DPP6: variants seen among roughly 807,000 people sequenced by gnomAD.
The protein encoded by DPP6 is dipeptidyl peptidase like 6.
DPP6 carries 69 observed loss-of-function variants against 122.6 expected under a neutral mutation model. The observed-to-expected ratio is 0.56, with a 90% CI of 0.46 to 0.69. The LOEUF is 0.69. Among genes scored for constraint, DPP6 ranks in the 30% least tolerant of loss-of-function variants. The pLI is 0.00. For missense variants in DPP6, 928 were observed against 1,116.9 expected, an observed-to-expected ratio of 0.83 and a Z score of 2.41; for synonymous variants, 418 against 433.1, an observed-to-expected ratio of 0.97 and a Z score of 0.43.
At chr7:153,781,539 A>G in the DPP6 span, among the ~76,000 whole-genome samples, 2 of 152,206 alleles carry the variant, frequency 1.3e-5, no homozygotes, top group Non-Finnish European at 2.9e-5. Context: ...AGATCGGTCC[A>G]TGTGAGAGAT....
At position 154,483,339 on chromosome 7, in the gene DPP6, T is replaced by C. The variant is rs963529756; in HGVS notation, c.457+8302T>C. Among the ~76,000 whole-genome samples, 2 of 152,326 alleles carry C rather than the reference T, an allele frequency of 1.3e-5. No homozygotes were observed. The highest frequency in any genetic ancestry group is 2.4e-5 in the African/African-American group (1 of 41,570). On this transcript the variant is annotated intron_variant, in intron 3 of 25. Transcript: ENST00000377770. The surrounding 1 kb of genome is among the most constrained non-coding windows in gnomAD (Gnocchi z 8.1). ...AATAGTGGTGATCATTTGAGTCATA[T>C]TTAAATTGTTTATTTCTTTCTGTTA...
At chr7:153,786,102 A>G in the DPP6 span, among the ~76,000 whole-genome samples, 10 of 152,202 alleles carry the variant, frequency 6.6e-5, no homozygotes, top group African/African-American at 2.4e-4. Context: ...CATTTATTTT[A>G]TAATTGGCCA....
intron 1 of DPP6, among the ~76,000 whole-genome samples, chr7:153,966,198 G>T (rs1156921706): frequency 1.4e-5 from 2 of 147,098 alleles, no homozygotes; most frequent in African/African-American, 5.1e-5. Context: ...ATTGTGAGCT[G>T]ATTAGATTGA....
rs1815226463 is a variant in DPP6, at chr7:154,397,888, T to A, written c.244-48326T>A. Among the ~76,000 whole-genome samples the A allele has an allele frequency of 2.6e-5, 4 of 152,206 alleles. No individual in the cohort carries two copies. The South Asian group carries it at 8.3e-4, about 32-fold the overall frequency. ...AAACACCACTCTTTCCCCTTCTAGA[T>A]CTCCAAATCTTTCTAGGTCTTGGTG... On this transcript the variant is annotated intron_variant, in intron 1 of 25. Transcript: ENST00000377770.
the DPP6 span, among the ~76,000 whole-genome samples, chr7:153,796,310 G>C: frequency 7.3e-6 from 1 of 136,924 alleles, no homozygotes; most frequent in Admixed American, 7.6e-5. Context: ...AACATTTAGG[G>C]TTATTATATT....
intron 2 of DPP6, among the ~76,000 whole-genome samples, chr7:154,468,811 T>C (rs1278515332): frequency 6.6e-6 from 1 of 152,358 alleles, no homozygotes; most frequent in Admixed American, 6.5e-5. Flanking sequence ...GTTATGCTAC[T>C]AGTTTTCTTA....
chr7:154,561,704 A>AT, intron 4 of DPP6, among the ~76,000 whole-genome samples: 2 of 152,328 alleles, frequency 1.3e-5, no homozygotes, highest in Middle Eastern at 6.8e-3. Context: ...GCAGAAATCA[A>AT]CTACACAGAA....
chr7:154,857,578 C>A (rs1802947766), intron 17 of DPP6, among the ~76,000 whole-genome samples: 3 of 152,212 alleles, frequency 2.0e-5, no homozygotes, highest in Admixed American at 6.5e-5. Context: ...CATCTCCAAC[C>A]CAGCTGTGTC....
At chr7:154,065,969 C>A (rs186301988) in intron 1 of DPP6, among the ~76,000 whole-genome samples, 3 of 152,106 alleles carry the variant, frequency 2.0e-5, no homozygotes, top group Non-Finnish European at 4.4e-5. Flanking sequence ...TGTTGGAGAC[C>A]CTCACATTCT....
At chr7:154,347,587 A>G (rs1810504272) in intron 1 of DPP6, among the ~76,000 whole-genome samples, 2 of 152,246 alleles carry the variant, frequency 1.3e-5, no homozygotes, top group East Asian at 1.9e-4. Flanking sequence ...TTTAATCTGT[A>G]TACATATAAA....
intron 3 of DPP6, among the ~76,000 whole-genome samples, chr7:154,527,703 G>A (rs1458045630): frequency 6.6e-6 from 1 of 151,910 alleles, no homozygotes; most frequent in Non-Finnish European, 1.5e-5. Context: ...TACAATCAGG[G>A]ATTAATGTAC....
At chr7:154,407,251 C>T (rs779697478) in intron 1 of DPP6, among the ~76,000 whole-genome samples, 1 of 152,212 alleles carries the variant, frequency 6.6e-6, no homozygotes, top group Non-Finnish European at 1.5e-5. Flanking sequence ...GAAGATTCCT[C>T]CAAGTCTTCC....
the DPP6 span, among the ~76,000 whole-genome samples, chr7:153,787,186 G>A: frequency 1.5e-5 from 2 of 136,186 alleles, no homozygotes; most frequent in Non-Finnish European, 3.3e-5. Flanking sequence ...TCCTAACCTC[G>A]TGATCCACCC....
intron 1 of DPP6, among the ~76,000 whole-genome samples, chr7:153,933,918 A>T (rs1295059537): frequency 1.3e-5 from 2 of 152,318 alleles, no homozygotes; most frequent in South Asian, 4.1e-4. Flanking sequence ...TAAATCATGT[A>T]TCGTGGATCG....
At chr7:154,649,884 C>T (rs542018183) in intron 6 of DPP6, among the ~76,000 whole-genome samples, 4 of 152,328 alleles carry the variant, frequency 2.6e-5, no homozygotes, top group Admixed American at 2.6e-4. Flanking sequence ...TGGGCACTCA[C>T]CTCAGGAGTG....
At chr7:154,130,689 A>T (rs1249846776) in intron 1 of DPP6, among the ~76,000 whole-genome samples, 1 of 151,836 alleles carries the variant, frequency 6.6e-6, no homozygotes. Context: ...CTCACGTCAG[A>T]TGGGGGCGGG....
At chr7:153,796,570 G>A in the DPP6 span, among the ~76,000 whole-genome samples, 115 of 152,120 alleles carry the variant, frequency 7.6e-4, 1 homozygote, top group African/African-American at 2.6e-3. Context: ...TGTTATTTAC[G>A]GTGGGTCCCT....
chr7:154,663,128 C>T lies in DPP6; in HGVS notation c.681-6232C>T, dbSNP rs1335021582. 2.8e-4 allele frequency among the ~76,000 whole-genome samples: 20 copies of T among 72,488 alleles called. 7 individuals are homozygous for T. The highest frequency in any genetic ancestry group is 6.4e-4 in the Non-Finnish European group (18 of 28,116). The allele number at this position is 72,488 out of a possible 152,430, so 47.6% of individuals were successfully genotyped here. The stretch of plus-strand genomic sequence containing the variant: ...ATGGTGAATCACCATGGCATATTGG[C>T]CGTAGTGTTCACGCAGTCATGGTGA... On this transcript the variant is annotated intron_variant, in intron 6 of 25. Transcript: ENST00000377770.
At chr7:154,323,776 A>G (rs1217150391) in intron 1 of DPP6, among the ~76,000 whole-genome samples, 2 of 152,186 alleles carry the variant, frequency 1.3e-5, no homozygotes, top group African/African-American at 2.4e-5. Context: ...TAAACTTCCC[A>G]TAGAGGTTCT....
Sources: allele counts gnomAD v4.1 joint callset (sites outside exome capture counted in the v4.1 genomes callset), GRCh38; gene constraint gnomAD v4.1.1; non-coding constraint Gnocchi (gnomAD v3.1); transcripts MANE v1.5; gene names NCBI Gene and HGNC (gene_info 2026-07-23, HGNC 2026-07-21).